Variants in TSPAN12 observed in about 807,000 individuals in gnomAD.
The protein encoded by TSPAN12 is tetraspanin-12.
Under a neutral mutation model 39.2 loss-of-function variants are expected in TSPAN12, and 19 were observed. That is an observed-to-expected ratio of 0.49 (90% CI 0.34 to 0.71). The LOEUF (loss-of-function observed/expected upper bound fraction) is 0.71. Among genes scored for constraint, TSPAN12 ranks in the 30% least tolerant of loss-of-function variants. The pLI, the probability that TSPAN12 is intolerant of heterozygous loss-of-function variation, is 0.01. For synonymous variants in TSPAN12, 119 were observed against 124.8 expected (o/e 0.95, Z 0.31); for missense variants, 314 against 359.9 (o/e 0.87, Z 1.03).
chr7:120,800,136 G>A (rs1172602993), intron 7 of TSPAN12, among the ~76,000 whole-genome samples: 2 of 152,012 alleles, frequency 1.3e-5, no homozygotes, highest in African/African-American at 4.8e-5. Flanking sequence ...GGACAGCAGA[G>A]TATAGAGGAG....
intron 4 of TSPAN12, among the ~76,000 whole-genome samples, chr7:120,819,382 G>C (rs1432016073): frequency 6.6e-6 from 1 of 152,034 alleles, no homozygotes; most frequent in African/African-American, 2.4e-5. Flanking sequence ...GTGGGGAGGG[G>C]CTAAGTTTCC....
At chr7:120,842,131 C>T (rs1042900799) in intron 2 of TSPAN12, among the ~76,000 whole-genome samples, 2 of 152,144 alleles carry the variant, frequency 1.3e-5, no homozygotes, top group African/African-American at 4.8e-5. Flanking sequence ...AATGAATATA[C>T]AGAAGGTAGA....
At chr7:120,801,368 G>A (rs533073302) in intron 7 of TSPAN12, among the ~76,000 whole-genome samples, 44 of 152,218 alleles carry the variant, frequency 2.9e-4, no homozygotes, top group African/African-American at 1.1e-3. Flanking sequence ...AACTTCTAAA[G>A]AGGCATAAAT....
chr7:120,813,334 A>G (rs1794018545), intron 5 of TSPAN12, among the ~76,000 whole-genome samples: 1 of 152,218 alleles, frequency 6.6e-6, no homozygotes, highest in African/African-American at 2.4e-5. Flanking sequence ...AGATTTATGA[A>G]AGCAAAACAG....
chr7:120,829,478 C>T (rs1404648767), intron 4 of TSPAN12, among the ~76,000 whole-genome samples: 7 of 151,980 alleles, frequency 4.6e-5, no homozygotes, highest in African/African-American at 7.2e-5. Flanking sequence ...AAACGTTATC[C>T]GCCCTCTTGT....
chr7:120,825,650 C>T (rs1794271524), intron 4 of TSPAN12, among the ~76,000 whole-genome samples: 1 of 151,992 alleles, frequency 6.6e-6, no homozygotes, highest in Admixed American at 6.6e-5. Flanking sequence ...TTTTCCTTTC[C>T]CGGTGATTGG....
At chr7:120,800,194 A>T (rs1793739748) in intron 7 of TSPAN12, among the ~76,000 whole-genome samples, 1 of 152,088 alleles carries the variant, frequency 6.6e-6, no homozygotes, top group Non-Finnish European at 1.5e-5. Flanking sequence ...CAGAGTGTGA[A>T]TTCATGAACT....
chr7:120,810,430 C>A lies in TSPAN12; in HGVS notation c.468+33G>T, dbSNP rs191813478. 1.5e-5 allele frequency: 20 copies of A among 1,346,142 alleles called. No individual in the cohort carries two copies. The East Asian group carries it at 4.6e-4, about 31-fold the overall frequency. The allele number at this position is 1,346,142 out of a possible 1,614,324, so 83.4% of individuals were successfully genotyped here. A position where few individuals can be genotyped will look rare whatever the true frequency, so the allele number is the denominator to read the frequency against. On this transcript the variant is annotated intron_variant, in intron 6 of 7. Coordinates refer to ENST00000222747, the MANE Select transcript of TSPAN12 (RefSeq NM_012338.4). ...TGGTTTGAAGGTGCACCACTTACTT[C>A]ACTCTCTCTACCTCAGAAATTGTAG... is the stretch of plus-strand genomic sequence containing the variant.
At chr7:120,793,889 G>C (rs548032570) in intron 7 of TSPAN12, among the ~76,000 whole-genome samples, 1 of 152,284 alleles carries the variant, frequency 6.6e-6, no homozygotes, top group East Asian at 1.9e-4. Flanking sequence ...TAAAGTAGTA[G>C]ATATAAAATC....
At chr7:120,812,005 T>G (rs1308736474) in intron 5 of TSPAN12, among the ~76,000 whole-genome samples, 1 of 152,050 alleles carries the variant, frequency 6.6e-6, no homozygotes, top group African/African-American at 2.4e-5. Context: ...ACTAAAGAAC[T>G]TATTAATGTA....
chr7:120,808,212 A>C (rs959718674), intron 6 of TSPAN12, among the ~76,000 whole-genome samples: 4 of 152,274 alleles, frequency 2.6e-5, no homozygotes, highest in Admixed American at 2.6e-4. Flanking sequence ...AGGAAATAAG[A>C]TATTCTACAT....
intron 2 of TSPAN12, among the ~76,000 whole-genome samples, chr7:120,844,630 C>A (rs976607600): frequency 4.6e-5 from 7 of 152,220 alleles, no homozygotes; most frequent in Admixed American, 6.5e-5. Flanking sequence ...TCCTTTAACG[C>A]CATGTCTCAC....
intron 4 of TSPAN12, 96 bp downstream of exon 4, chr7:120,838,681 G>A: frequency 2.3e-6 from 3 of 1,301,048 alleles, no homozygotes; most frequent in Non-Finnish European, 3.3e-6. Flanking sequence ...TGTTGTTACT[G>A]CTATCACTGC....
intron 2 of TSPAN12, among the ~76,000 whole-genome samples, chr7:120,846,413 C>T (rs1794670717): frequency 6.6e-6 from 1 of 152,210 alleles, no homozygotes; most frequent in African/African-American, 2.4e-5. Flanking sequence ...AGCCAGTTTT[C>T]AGTAACACAG....
intron 2 of TSPAN12, among the ~76,000 whole-genome samples, chr7:120,854,938 T>C (rs1185422592): frequency 5.0e-4 from 76 of 151,956 alleles, no homozygotes; most frequent in Admixed American, 4.9e-3. Context: ...CACACAAACA[T>C]AGAAAGTTAG....
chr7:120,809,833 G>A (rs1213362204), intron 6 of TSPAN12, among the ~76,000 whole-genome samples: 2 of 152,144 alleles, frequency 1.3e-5, no homozygotes, highest in Non-Finnish European at 2.9e-5. Flanking sequence ...CCTATACTTT[G>A]TAATGTTATT....
intron 2 of TSPAN12, among the ~76,000 whole-genome samples, chr7:120,849,392 C>T (rs941677179): frequency 1.3e-5 from 2 of 152,148 alleles, no homozygotes; most frequent in African/African-American, 4.8e-5. Context: ...TGCGCATTTC[C>T]TAAGTGTATT....
At chr7:120,837,608 G>A (rs896872995) in intron 4 of TSPAN12, among the ~76,000 whole-genome samples, 4 of 152,082 alleles carry the variant, frequency 2.6e-5, no homozygotes, top group Non-Finnish European at 4.4e-5. Context: ...CACCTTGCCC[G>A]GCCTGAGTGT....
chr7:120,820,889 A>G (rs1351339124), intron 4 of TSPAN12, among the ~76,000 whole-genome samples: 2 of 152,028 alleles, frequency 1.3e-5, no homozygotes, highest in African/African-American at 2.4e-5. Context: ...ACACATTTCT[A>G]TTTTAAATAT....
Sources: gnomAD v4.1 joint callset for allele counts (sites outside exome capture counted in the v4.1 genomes callset) on GRCh38, gnomAD v4.1.1 for gene constraint, MANE v1.5 for transcripts, NCBI Gene and HGNC (gene_info 2026-07-23, HGNC 2026-07-21) for gene names.